Variants in SCN4A observed in about 807,000 individuals in gnomAD.
SCN4A encodes the protein sodium channel protein type 4 subunit alpha.
In SCN4A, 83 loss-of-function variants were observed where a neutral mutation model predicts 162.0. That is an observed-to-expected ratio of 0.51 (90% confidence interval 0.43 to 0.61). The LOEUF is 0.61. SCN4A is among the 20% of genes least tolerant of loss of function. The pLI is 0.00. For synonymous variants in SCN4A, 944 were observed against 985.1 expected (o/e 0.96, Z 0.78); for missense variants, 2,196 against 2,462.5 (o/e 0.89, Z 2.29).
chr17:63,965,926 A>G (rs1403652985), intron 8 of SCN4A, among the ~76,000 whole-genome samples, 176 bp downstream of exon 8: 2 of 152,220 alleles, frequency 1.3e-5, no homozygotes, highest in Non-Finnish European at 2.9e-5. Flanking sequence ...GGCTCGGGGC[A>G]GGTGTCTAGT....
rs765248300 is a variant in SCN4A at position 63,948,726 on chromosome 17, G to A, written c.3029C>T (p.Ser1010Phe). 1.2e-6 allele frequency: 2 copies of A among 1,613,172 alleles called. No homozygotes were observed. The highest frequency in any genetic ancestry group is 1.7e-6 in the Non-Finnish European group (2 of 1,179,522). ...QRWPCLYVDI[S>F]QGRGKKWWTL... The stretch of plus-strand genomic sequence containing the variant: ...CCACCACTTCTTCCCACGGCCCTGG[G>A]AGATGTCCACGTAGAGGCAGGGCCA... Residue 1010 changes from serine (S) to phenylalanine (F), a missense_variant, in exon 16 of 24, where the codon TCC becomes TTC. By Grantham distance (155) the Ser-to-Phe change is radical. Coordinates refer to ENST00000435607, the MANE Select transcript of SCN4A (RefSeq NM_000334.4).
chr17:63,950,515 T>C lies in SCN4A; in HGVS notation c.2853+909A>G, dbSNP rs1168267573. 1.3e-5 allele frequency among the ~76,000 whole-genome samples: 2 copies of C among 152,242 alleles called. No homozygotes were observed. The highest frequency in any genetic ancestry group is 1.3e-4 in the Admixed American group (2 of 15,284). ...CACCTGAGTGCCTCATACCGAGGTCTGTGCCACAGTTGCCTGGGTATTTAT... is the reference window on the plus strand; with the variant it reads ...CACCTGAGTGCCTCATACCGAGGTCCGTGCCACAGTTGCCTGGGTATTTAT... On this transcript the variant is annotated intron_variant, in intron 14 of 23. Coordinates refer to ENST00000435607, the MANE Select transcript of SCN4A (RefSeq NM_000334.4). This position sits in a 1 kb window ranked among gnomAD's most constrained non-coding sequence, Gnocchi z 4.6.
In SCN4A at chr17:63,951,225, C is replaced by T. The variant is rs533895286; in HGVS notation, c.2853+199G>A. Among the ~76,000 whole-genome samples the T allele has an allele frequency of 2.6e-5, 4 of 152,326 alleles. No individual in the cohort carries two copies. The highest frequency in any genetic ancestry group is 2.1e-4 in the South Asian group (1 of 4,828). ...TTGATCATAATAACCACATCAATAA[C>T]GATAGTGACTGCCACCACTCACAGG... On this transcript the variant is annotated intron_variant, in intron 14 of 23. Transcript: ENST00000435607. This position sits in a 1 kb window ranked among gnomAD's most constrained non-coding sequence, Gnocchi z 4.5.
intron 10 of SCN4A, among the ~76,000 whole-genome samples, chr17:63,962,083 C>T (rs1220672468): frequency 1.3e-5 from 2 of 152,078 alleles, no homozygotes; most frequent in Non-Finnish European, 2.9e-5. Flanking sequence ...CCTCTTGACT[C>T]ACCCCACAAA....
chr17:63,958,002 TAAA>T (rs60393540), intron 12 of SCN4A, among the ~76,000 whole-genome samples: 9 of 55,180 alleles, frequency 1.6e-4, no homozygotes, highest in Admixed American at 4.0e-4. Flanking sequence ...AAAACTCCAC[TAAA>T]AAAAAAAAAA....
chr17:63,971,474 C>A lies in SCN4A; in HGVS notation c.612-221G>T, dbSNP rs187862931. ...GGGAGTGGGGATGGCAAAGATAGCC[C>A]GGCTCACCCAGCAGGTGAGGACCCA... On this transcript the variant is annotated intron_variant, in intron 4 of 23. Coordinates refer to ENST00000435607, the MANE Select transcript of SCN4A (RefSeq NM_000334.4). Among the ~76,000 whole-genome samples, 370 of 152,244 alleles carry A rather than the reference C, an allele frequency of 2.4e-3. 6 individuals carry two copies. Among genetic ancestry groups the A allele is most frequent in the African/African-American group, 8.2e-3 (339 of 41,534 alleles).
intron 10 of SCN4A, among the ~76,000 whole-genome samples, chr17:63,963,322 T>G (rs1438430012): frequency 1.3e-5 from 2 of 152,156 alleles, no homozygotes; most frequent in Non-Finnish European, 2.9e-5. Context: ...CTGGTTAGTA[T>G]TATTAGCCTG....
At position 63,967,938 on chromosome 17, in the gene SCN4A, A is replaced by AC. The variant is rs550986247; in HGVS notation, c.1036+84_1036+85insG. 9.7e-3 allele frequency: 12,051 copies of AC among 1,246,098 alleles called. 84 individuals carry two copies. The highest frequency in any genetic ancestry group is 0.022 in the Admixed American group (1,057 of 48,222). The allele number at this position is 1,246,098 out of a possible 1,614,324, so 77.2% of individuals were successfully genotyped here. A position where few individuals can be genotyped will look rare whatever the true frequency, so the allele number is the denominator to read the frequency against. The stretch of plus-strand genomic sequence containing the variant: ...ACAAGAGTGAGACTCCATCTCAAAA[A>AC]AAAAAAAAAAGAAAATGTGGAGTCA... On this transcript the variant is annotated intron_variant, in intron 6 of 23. Coordinates refer to ENST00000435607, the MANE Select transcript of SCN4A (RefSeq NM_000334.4).
At position 63,942,832 on chromosome 17, in the gene SCN4A, T is replaced by C. The variant is rs368822028; in HGVS notation, c.4282A>G (p.Ile1428Val). The C allele has an allele frequency of 5.8e-5, 94 of 1,613,410 alleles. No individual in the cohort carries two copies. Among genetic ancestry groups the C allele is most frequent in the Non-Finnish European group, 7.4e-5 (87 of 1,179,482 alleles). The change falls in exon 23 of 24, where the codon ATT becomes GTT. Residue 1428 changes from isoleucine (I) to valine (V), a missense_variant. Ile to Val is a conservative substitution (Grantham distance 29, BLOSUM62 3). Transcript: ENST00000435607. The stretch of plus-strand genomic sequence containing the variant: ...TCCAGCCCGCCCCGCTCACCCACAA[T>C]GGACAGGATGACGACCACGAAGTCA... ...IFDFVVVILSIVGLALSDLIQ... is the reference protein window; with the variant it reads ...IFDFVVVILSVVGLALSDLIQ...
In SCN4A at chr17:63,949,534, G is replaced by C; in HGVS notation, c.2854-6C>G. Reference sequence around the variant, plus strand: ...TAGAGAGGCTGCGGCGGCTTCTGCGGAGGCCACAGGGTCACATGACATCTG... The same window carrying C: ...TAGAGAGGCTGCGGCGGCTTCTGCGCAGGCCACAGGGTCACATGACATCTG... On this transcript the variant is annotated splice_polypyrimidine_tract_variant and splice_region_variant and intron_variant, in intron 14 of 23. Coordinates refer to ENST00000435607, the MANE Select transcript of SCN4A (RefSeq NM_000334.4). 3 of 1,602,754 alleles carry C rather than the reference G, an allele frequency of 1.9e-6. No homozygotes were observed. The highest frequency in any genetic ancestry group is 2.6e-6 in the Non-Finnish European group (3 of 1,172,458).
At chr17:63,957,112 T>C in intron 13 of SCN4A, 50 bp downstream of exon 13, 1 of 1,279,308 alleles carries the variant, frequency 7.8e-7, no homozygotes. Context: ...CAGGTACATC[T>C]TGTACGCTTC....
intron 6 of SCN4A, 90 bp downstream of exon 6, chr17:63,967,933 C>A (rs865961954): frequency 2.8e-4 from 252 of 895,004 alleles, no homozygotes; most frequent in African/African-American, 1.1e-3. Context: ...GACTCCATCT[C>A]AAAAAAAAAA....
chr17:63,947,223 G>A, intron 17 of SCN4A, 56 bp from the exon 18 acceptor site: 2 of 1,606,582 alleles, frequency 1.2e-6, no homozygotes, highest in South Asian at 1.1e-5. Flanking sequence ...CTCCCCTCAA[G>A]CCCAGGCCAC....
In SCN4A at chr17:63,950,102, G is replaced by A. The variant is rs968121084; in HGVS notation, c.2854-574C>T. Among the ~76,000 whole-genome samples, 5 of 152,262 alleles carry A rather than the reference G, an allele frequency of 3.3e-5. No individual in the cohort carries two copies. The highest frequency in any genetic ancestry group is 2.1e-4 in the South Asian group (1 of 4,824). On this transcript the variant is annotated intron_variant, in intron 14 of 23. Coordinates refer to ENST00000435607, the MANE Select transcript of SCN4A (RefSeq NM_000334.4). The surrounding 1 kb of genome is among the most constrained non-coding windows in gnomAD (Gnocchi z 4.6). Reference sequence around the variant, plus strand: ...AGTGGGGGAGGCGGGTGCTCCAGCCGGGCCAGGCTTCCTCCCACCTCCTCC... The same window carrying A: ...AGTGGGGGAGGCGGGTGCTCCAGCCAGGCCAGGCTTCCTCCCACCTCCTCC...
intron 15 of SCN4A, 76 bp from the exon 16 acceptor site, chr17:63,948,841 C>A (rs1908814902): frequency 7.4e-7 from 1 of 1,358,576 alleles, no homozygotes; most frequent in African/African-American, 1.4e-5. Flanking sequence ...CAGTCAGCGC[C>A]CTCCCATGGC....
Position 63,942,013 on chromosome 17 carries a change from A to G in SCN4A, c.4289-20T>C. 1.3e-6 allele frequency: 2 copies of G among 1,540,330 alleles called. No individual in the cohort carries two copies. The highest frequency in any genetic ancestry group is 1.8e-6 in the Non-Finnish European group (2 of 1,141,380). ...CAAGGCCTGCGGGGAGAAGCTAGTG[A>G]GGACGCTGCCACTGGGGAGGGGGGC... On this transcript the variant is annotated intron_variant, in intron 23 of 23. Coordinates refer to ENST00000435607, the MANE Select transcript of SCN4A (RefSeq NM_000334.4).
At chr17:63,955,917 T>A (rs35993844) in intron 13 of SCN4A, among the ~76,000 whole-genome samples, 1 of 152,216 alleles carries the variant, frequency 6.6e-6, no homozygotes, top group Non-Finnish European at 1.5e-5. Context: ...TCCATAGGCC[T>A]TTGGGGAACA....
rs1908524472 is a variant in SCN4A at position 63,941,380 on chromosome 17, G to A, written c.4902C>T (p.Phe1634=). Residue 1634 remains phenylalanine, a synonymous_variant, in exon 24 of 24, where the codon TTC becomes TTT. Transcript: ENST00000435607. This position sits in a 1 kb window ranked among gnomAD's most constrained non-coding sequence, Gnocchi z 6.2. ...WEKFDPDATQ[F]IAYSRLSDFV... is the part of the protein sequence containing the mutation. ...AGTCTGAGAGGCGGCTGTAGGCGAT[G>A]AACTGGGTGGCGTCGGGGTCGAACT... is the stretch of plus-strand genomic sequence containing the variant. 1 of 1,613,964 alleles carries A rather than the reference G, an allele frequency of 6.2e-7. No individual in the cohort carries two copies. Among genetic ancestry groups the A allele is most frequent in the Admixed American group, 1.7e-5 (1 of 60,028 alleles).
In SCN4A at chr17:63,940,914, G is replaced by A; in HGVS notation, c.5368C>T (p.Pro1790Ser). ...GCCTCGCCCTTCTCCTCCGGGCTTG[G>A]CGAGCTGCTGTTCCCATTCTCGTGG... ...YGHENGNSSSPSPEEKGEAGD... is the reference protein window; with the variant it reads ...YGHENGNSSSSSPEEKGEAGD... The change falls in exon 24 of 24, where the codon CCA becomes TCA. Residue 1790 changes from proline (P) to serine (S), a missense_variant. By Grantham distance (74) the Pro-to-Ser change is moderately conservative. Transcript: ENST00000435607. 1.9e-6 allele frequency: 3 copies of A among 1,613,962 alleles called. No individual in the cohort carries two copies. The South Asian group carries it at 3.3e-5, about 18-fold the overall frequency.
Sources: allele counts gnomAD v4.1 joint callset (sites outside exome capture counted in the v4.1 genomes callset), GRCh38; gene constraint gnomAD v4.1.1; non-coding constraint Gnocchi (gnomAD v3.1); transcripts MANE v1.5; gene names NCBI Gene and HGNC (gene_info 2026-07-23, HGNC 2026-07-21).